The following MBD2 variants were observed in gnomAD, a reference collection of about 807,000 sequenced individuals.
MBD2 encodes the protein methyl-CpG-binding domain protein 2.
A neutral mutation model predicts 39.3 loss-of-function variants in MBD2; 9 were observed. The observed-to-expected ratio is 0.23, with a 90% CI of 0.14 to 0.40. MBD2 has a LOEUF of 0.40. Ranked by LOEUF, MBD2 falls within the 10% of genes least tolerant of loss-of-function variation. The probability of loss-of-function intolerance (pLI) is 1.00; values close to 1 mark genes in which losing one functional copy is unlikely to be tolerated. For synonymous variants in MBD2, 233 were observed against 211.1 expected, an observed-to-expected ratio of 1.10 and a Z score of -0.90; for missense variants, 458 against 532.6, an observed-to-expected ratio of 0.86 and a Z score of 1.38.
intron 2 of MBD2, among the ~76,000 whole-genome samples, chr18:54,195,152 TATGA>T (rs1415348288): frequency 6.6e-6 from 1 of 152,116 alleles, no homozygotes; most frequent in Non-Finnish European, 1.5e-5. Flanking sequence ...CATCCATGTC[TATGA>T]ATATCATGTA....
At chr18:54,164,207 A>G (rs545014602) in intron 5 of MBD2, among the ~76,000 whole-genome samples, 4 of 152,318 alleles carry the variant, frequency 2.6e-5, no homozygotes, top group African/African-American at 9.6e-5. Flanking sequence ...TTTAGAATAG[A>G]AAGTCAGAAT....
chr18:54,215,328 T>C (rs1261042134), intron 1 of MBD2, among the ~76,000 whole-genome samples: 2 of 152,214 alleles, frequency 1.3e-5, no homozygotes, highest in Non-Finnish European at 2.9e-5. Flanking sequence ...AGTTGCAACA[T>C]GTTTTTTGTA....
chr18:54,196,451 T>C (rs1272149811), intron 2 of MBD2, among the ~76,000 whole-genome samples: 1 of 152,224 alleles, frequency 6.6e-6, no homozygotes, highest in Non-Finnish European at 1.5e-5. Flanking sequence ...TTCAGCCAGA[T>C]ATCCTAGAAC....
intron 3 of MBD2, chr18:54,187,772 T>C: frequency 1.0e-6 from 1 of 985,894 alleles, no homozygotes; most frequent in Non-Finnish European, 1.2e-6. Context: ...ACTTCAAATC[T>C]TGAGACATCT....
chr18:54,187,537 T>C (rs2086293709), intron 3 of MBD2, among the ~76,000 whole-genome samples: 1 of 152,214 alleles, frequency 6.6e-6, no homozygotes, highest in African/African-American at 2.4e-5. Flanking sequence ...CCTTCCCTGT[T>C]GTAATGAATA....
chr18:54,213,092 G>T, intron 1 of MBD2, among the ~76,000 whole-genome samples: 1 of 124,304 alleles, frequency 8.0e-6, no homozygotes, highest in African/African-American at 2.9e-5. Flanking sequence ...GGGCGGGGGG[G>T]GGGATTATTT....
intron 3 of MBD2, among the ~76,000 whole-genome samples, chr18:54,187,151 A>C (rs186423364): frequency 3.3e-5 from 5 of 152,324 alleles, no homozygotes; most frequent in Admixed American, 1.3e-4. Context: ...AGAATTTGCT[A>C]ATCAATTCAT....
At position 54,205,104 on chromosome 18, in the gene MBD2, T is replaced by C. The variant is rs772353899; in HGVS notation, c.596A>G (p.Asn199Ser). ...SKPQLARYLG[N>S]TVDLSSFDFR... Reference sequence around the variant, plus strand: ...GTCAAAACTGCTGAGATCAACAGTATTTCCCAGGTACCTTGCCAACTGAGG... The same window carrying C: ...GTCAAAACTGCTGAGATCAACAGTACTTCCCAGGTACCTTGCCAACTGAGG... Residue 199 changes from asparagine to serine, a missense_variant, in exon 2 of 7, where the codon AAT becomes AGT. Transcript: ENST00000256429. The C allele has an allele frequency of 2.5e-6, 4 of 1,614,004 alleles. No individual in the cohort carries two copies. In the East Asian group the frequency reaches 6.7e-5, roughly 27 times the overall value.
At chr18:54,180,281 A>G (rs1018510340) in intron 3 of MBD2, among the ~76,000 whole-genome samples, 1 of 152,146 alleles carries the variant, frequency 6.6e-6, no homozygotes, top group Admixed American at 6.5e-5. Flanking sequence ...CTAGCAGCAT[A>G]AAGAAAATAT....
chr18:54,162,576 T>C (rs1348353167), intron 5 of MBD2, among the ~76,000 whole-genome samples: 1 of 152,220 alleles, frequency 6.6e-6, no homozygotes, highest in Non-Finnish European at 1.5e-5. Flanking sequence ...AGAACTGGTG[T>C]TGAAGCCACC....
Position 54,203,222 on chromosome 18 carries a change from G to A in MBD2, c.702+1776C>T, listed in dbSNP as rs115672716. 7,170 of 1,283,900 alleles carry A rather than the reference G, an allele frequency of 5.6e-3. 309 individuals are homozygous for A. In the African/African-American group the frequency reaches 0.093, roughly 17 times the overall value. 79.5% of individuals were successfully genotyped at this position (1,283,900 alleles called of 1,614,324 possible). On this transcript the variant is annotated intron_variant, in intron 2 of 6. Coordinates refer to ENST00000256429, the MANE Select transcript of MBD2 (RefSeq NM_003927.5). ...TTAACATAACTAAACTGTGGTTCTG[G>A]TAACAGTACAGTAATCTAAAAGTAC...
chr18:54,199,692 G>T (rs1429628745), intron 2 of MBD2, among the ~76,000 whole-genome samples: 1 of 152,042 alleles, frequency 6.6e-6, no homozygotes, highest in Non-Finnish European at 1.5e-5. Flanking sequence ...CATTCTCTTT[G>T]TGTAACCATC....
At chr18:54,165,762 A>C (rs189120467) in intron 4 of MBD2, among the ~76,000 whole-genome samples, 1 of 152,296 alleles carries the variant, frequency 6.6e-6, no homozygotes, top group East Asian at 1.9e-4. Context: ...AAATTCTGTT[A>C]CTCATCCGCA....
At chr18:54,176,961 C>G (rs1243980431) in intron 3 of MBD2, among the ~76,000 whole-genome samples, 1 of 152,104 alleles carries the variant, frequency 6.6e-6, no homozygotes, top group African/African-American at 2.4e-5. Flanking sequence ...GTGCAGTAAG[C>G]GTTTGCTGTA....
chr18:54,165,148 G>A (rs76838620), intron 4 of MBD2, among the ~76,000 whole-genome samples: 5,198 of 152,242 alleles, frequency 0.034, 124 homozygotes, highest in Non-Finnish European at 0.046. Flanking sequence ...GTCTCTCCTT[G>A]TAGCTTTTAA....
chr18:54,171,873 A>G (rs544993879), intron 3 of MBD2, among the ~76,000 whole-genome samples: 1 of 152,352 alleles, frequency 6.6e-6, no homozygotes, highest in African/African-American at 2.4e-5. Context: ...AACTTACACA[A>G]TTAATCAGTG....
At chr18:54,196,460 A>G (rs2086367694) in intron 2 of MBD2, among the ~76,000 whole-genome samples, 1 of 152,216 alleles carries the variant, frequency 6.6e-6, no homozygotes, top group Non-Finnish European at 1.5e-5. Context: ...ATATCCTAGA[A>G]CAGTCCTACT....
chr18:54,157,329 C>T (rs1270281629), intron 6 of MBD2, among the ~76,000 whole-genome samples: 5 of 151,596 alleles, frequency 3.3e-5, no homozygotes, highest in East Asian at 1.9e-4. Context: ...GGCGCGATCT[C>T]GGCTCACTGC....
At chr18:54,202,642 G>A in intron 2 of MBD2, 1 of 889,734 alleles carries the variant, frequency 1.1e-6, no homozygotes, top group African/African-American at 1.8e-5. Flanking sequence ...AAGGCAGAAA[G>A]CTTCAGAAAA....
Sources: allele counts gnomAD v4.1 joint callset (sites outside exome capture counted in the v4.1 genomes callset), GRCh38; gene constraint gnomAD v4.1.1; transcripts MANE v1.5; gene names NCBI Gene and HGNC (gene_info 2026-07-23, HGNC 2026-07-21).